MAD2L2: variants seen among roughly 807,000 people sequenced by gnomAD.
MAD2L2 encodes the protein mitotic spindle assembly checkpoint protein MAD2B.
MAD2L2 carries 17 observed loss-of-function variants against 30.5 expected under a neutral mutation model. That is an observed-to-expected ratio of 0.56 (90% CI 0.38 to 0.84). The LOEUF (loss-of-function observed/expected upper bound fraction) is 0.84. Ranked by LOEUF, MAD2L2 falls within the 40% of genes least tolerant of loss-of-function variation. The probability of loss-of-function intolerance (pLI) is 0.00; values close to 1 mark genes in which losing one functional copy is unlikely to be tolerated. For synonymous variants in MAD2L2, 101 were observed against 113.9 expected (o/e 0.89, Z 0.72); for missense variants, 213 against 277.4 (o/e 0.77, Z 1.65).
upstream of MAD2L2, among the ~76,000 whole-genome samples, chr1:11,684,203 T>C (rs973914794): frequency 5.3e-5 from 8 of 152,252 alleles, no homozygotes; most frequent in African/African-American, 1.7e-4. Flanking sequence ...CGAGTCAGCA[T>C]GGGCCCATCC....
intron 3 of MAD2L2, 103 bp downstream of exon 3, chr1:11,680,250 C>T: frequency 1.1e-6 from 1 of 931,272 alleles, no homozygotes; most frequent in African/African-American, 1.7e-5. Context: ...CCCGCCTCGG[C>T]CTCCCAAAGT....
chr1:11,687,495 C>T lies in MAD2L2; in HGVS notation c.-692+3918G>A, dbSNP rs1251496844. Reference sequence around the variant, plus strand: ...CCTCAGGTGACCCACCTACCTTGGCCTCCCAAAGTGTTGGGATGACAGGCA... The same window carrying T: ...CCTCAGGTGACCCACCTACCTTGGCTTCCCAAAGTGTTGGGATGACAGGCA... On this transcript the variant is annotated intron_variant, in intron 1 of 10. Transcript: ENST00000235310. The surrounding 1 kb of genome is among the most constrained non-coding windows in gnomAD (Gnocchi z 4.1). 1.3e-5 allele frequency among the ~76,000 whole-genome samples: 2 copies of T among 152,226 alleles called. No individual in the cohort carries two copies. The highest frequency in any genetic ancestry group is 4.8e-5 in the African/African-American group (2 of 41,464).
chr1:11,674,499 C>A lies in MAD2L2; in HGVS notation c.*276G>T, dbSNP rs1199361757. On this transcript the variant is annotated 3_prime_UTR_variant, in exon 9 of 9. Coordinates refer to ENST00000376692, the MANE Select transcript of MAD2L2 (RefSeq NM_006341.4). The surrounding 1 kb of genome is among the most constrained non-coding windows in gnomAD (Gnocchi z 6.1). ...CTCAGCTCAGCCCAGCCCTTGGGGC[C>A]CCTTTATTGAAACAACTCACAGCAC... 6 of 392,792 alleles carry A rather than the reference C, an allele frequency of 1.5e-5. No individual in the cohort carries two copies. The Admixed American group carries it at 1.8e-4, about 12-fold the overall frequency. 24.3% of individuals were successfully genotyped at this position (392,792 alleles called of 1,614,324 possible). A position where few individuals can be genotyped will look rare whatever the true frequency, so the allele number is the denominator to read the frequency against.
intron 4 of MAD2L2, 154 bp from the exon 5 acceptor site, chr1:11,677,102 A>G (rs2100708249): frequency 1.5e-6 from 1 of 676,676 alleles, no homozygotes; most frequent in Non-Finnish European, 2.6e-6. Context: ...CCAGATAGCG[A>G]GTTTGAGAAG....
At chr1:11,683,651 G>A (rs1332795164), upstream of MAD2L2, among the ~76,000 whole-genome samples, 1 of 151,966 alleles carries the variant, frequency 6.6e-6, no homozygotes. Context: ...ACTTACCCAT[G>A]TAACCAAAAA....
In MAD2L2 at chr1:11,688,275, C is replaced by T. The variant is rs903646999; in HGVS notation, c.-692+3138G>A. On this transcript the variant is annotated intron_variant, in intron 1 of 10. Coordinates refer to the MAD2L2 transcript ENST00000235310. This position sits in a 1 kb window ranked among gnomAD's most constrained non-coding sequence, Gnocchi z 4.6. Reference sequence around the variant, plus strand: ...ACTCCCAACCTTAGGAATCAGCACACGTGGCCGGGCACGGTGGCTCATGCC... The same window carrying T: ...ACTCCCAACCTTAGGAATCAGCACATGTGGCCGGGCACGGTGGCTCATGCC... Among the ~76,000 whole-genome samples the T allele has an allele frequency of 6.6e-6, 1 of 152,104 alleles. No individual in the cohort carries two copies. The highest frequency in any genetic ancestry group is 2.4e-5 in the African/African-American group (1 of 41,436).
At chr1:11,680,901 G>T (rs1256918651) in intron 1 of MAD2L2, 138 bp downstream of exon 1, 1 of 634,596 alleles carries the variant, frequency 1.6e-6, no homozygotes, top group Non-Finnish European at 2.2e-6. Context: ...GACGCAGAGG[G>T]AAACAGCGGG....
At chr1:11,677,097 T>A in intron 4 of MAD2L2, 149 bp from the exon 5 acceptor site, 1 of 688,816 alleles carries the variant, frequency 1.5e-6, no homozygotes. Context: ...AGAGGCCAGA[T>A]AGCGAGTTTG....
rs1641034610 is a variant in MAD2L2 at position 11,690,145 on chromosome 1, T to C, written c.-692+1268A>G. Among the ~76,000 whole-genome samples, 1 of 152,082 alleles carries C rather than the reference T, an allele frequency of 6.6e-6. No individual in the cohort carries two copies. Among genetic ancestry groups the C allele is most frequent in the African/African-American group, 2.4e-5 (1 of 41,414 alleles). On this transcript the variant is annotated intron_variant, in intron 1 of 10. Transcript: ENST00000235310. This position sits in a 1 kb window ranked among gnomAD's most constrained non-coding sequence, Gnocchi z 4.2. ...TAGCACTAATCACCACCTGACATCA[T>C]TTATATTTATTTGTTCACTTATCTT...
chr1:11,678,990 C>T (rs1300886731), intron 3 of MAD2L2, among the ~76,000 whole-genome samples: 1 of 152,128 alleles, frequency 6.6e-6, no homozygotes, highest in Non-Finnish European at 1.5e-5. Context: ...ACGGCGAAAC[C>T]TTGTCTCTAC....
In MAD2L2 at chr1:11,680,712, C is replaced by G. The variant is rs1315001162; in HGVS notation, c.-12-99G>C. On this transcript the variant is annotated intron_variant, in intron 1 of 8. Transcript: ENST00000376692. ...CTTCCCTCCCCACAGTCTGTGGGAA[C>G]TGGGGAAGGACCTCCCGCTTCGCAC... 4.8e-6 allele frequency: 7 copies of G among 1,471,302 alleles called. No individual in the cohort carries two copies. In the East Asian group the frequency reaches 1.5e-4, roughly 31 times the overall value. The allele number at this position is 1,471,302 out of a possible 1,614,324, so 91.1% of individuals were successfully genotyped here.
intron 3 of MAD2L2, among the ~76,000 whole-genome samples, chr1:11,679,109 AGCCAAGATCAC>A (rs1640820707): frequency 6.6e-6 from 1 of 152,242 alleles, no homozygotes; most frequent in East Asian, 1.9e-4. Flanking sequence ...GGTTGCAGTG[AGCCAAGATCAC>A]GCCACTGCAC....
intron 1 of MAD2L2, 121 bp downstream of exon 1, chr1:11,680,918 A>G: frequency 2.1e-6 from 1 of 482,306 alleles, no homozygotes; most frequent in South Asian, 8.2e-5. Context: ...CGGGATGCCC[A>G]GGGCCGGGAG....
At chr1:11,691,040 A>G (rs1385225298) in intron 1 of MAD2L2, among the ~76,000 whole-genome samples, 2 of 152,100 alleles carry the variant, frequency 1.3e-5, no homozygotes, top group Non-Finnish European at 2.9e-5. Context: ...GTGAGCTGGT[A>G]GCACTTTGAA....
chr1:11,682,522 A>G (rs1035332998), upstream of MAD2L2, among the ~76,000 whole-genome samples: 2 of 145,470 alleles, frequency 1.4e-5, no homozygotes, highest in African/African-American at 5.1e-5. Context: ...ACCTGTAAGT[A>G]ACCCATTAAG....
chr1:11,680,957 C>G (rs1283470877), intron 1 of MAD2L2, 82 bp downstream of exon 1: 1 of 250,584 alleles, frequency 4.0e-6, no homozygotes, highest in Non-Finnish European at 7.0e-6. Flanking sequence ...GAAAGCGAAG[C>G]GGGGTTGGAA....
rs545628735 is a variant in MAD2L2 at position 11,676,748 on chromosome 1, G to A, written c.332+100C>T. 165 of 889,246 alleles carry A rather than the reference G, an allele frequency of 1.9e-4. No individual in the cohort carries two copies. The African/African-American group carries it at 2.0e-3, about 11-fold the overall frequency. 55.1% of individuals were successfully genotyped at this position (889,246 alleles called of 1,614,324 possible). On this transcript the variant is annotated intron_variant, in intron 5 of 8. Coordinates refer to ENST00000376692, the MANE Select transcript of MAD2L2 (RefSeq NM_006341.4). ...GTGCTTCTTGCCCTTTCTCCTCCCAGGCCTTTACCAAGGTATTCAAGGGCC... is the reference window on the plus strand; with the variant it reads ...GTGCTTCTTGCCCTTTCTCCTCCCAAGCCTTTACCAAGGTATTCAAGGGCC...
chr1:11,677,055 G>C (rs1006359792), intron 4 of MAD2L2, 107 bp from the exon 5 acceptor site: 2 of 829,714 alleles, frequency 2.4e-6, no homozygotes, highest in Non-Finnish European at 4.0e-6. Context: ...CCCACTCACA[G>C]CCCTGCTCAG....
rs1641046181 is a variant in MAD2L2 at position 11,690,708 on chromosome 1, T to TTG, written c.-692+703_-692+704dup. Among the ~76,000 whole-genome samples, 1 of 152,086 alleles carries TTG rather than the reference T, an allele frequency of 6.6e-6. No homozygotes were observed. The highest frequency in any genetic ancestry group is 1.5e-5 in the Non-Finnish European group (1 of 67,976). The stretch of plus-strand genomic sequence containing the variant: ...TATGGGAGTCCGGCCCCATCGCTCT[T>TTG]TGATCTTTGCAGCGTCCGTGGCCCC... On this transcript the variant is annotated intron_variant, in intron 1 of 10. Coordinates refer to the MAD2L2 transcript ENST00000235310. This position sits in a 1 kb window ranked among gnomAD's most constrained non-coding sequence, Gnocchi z 4.2.
Sources: gnomAD v4.1 joint callset for allele counts (sites outside exome capture counted in the v4.1 genomes callset) on GRCh38, gnomAD v4.1.1 for gene constraint, Gnocchi (gnomAD v3.1) non-coding constraint, MANE v1.5 for transcripts, NCBI Gene and HGNC (gene_info 2026-07-23, HGNC 2026-07-21) for gene names.